Variants in SLMAP observed in about 807,000 individuals in gnomAD.
SLMAP encodes sarcolemmal membrane-associated protein.
In SLMAP, 44 loss-of-function variants were observed where a neutral mutation model predicts 128.8. That is an observed-to-expected ratio of 0.34 (90% CI 0.27 to 0.44). The LOEUF (loss-of-function observed/expected upper bound fraction) is 0.44, where lower values mean the gene tolerates loss of function less well. Ranked by LOEUF, SLMAP falls within the 20% of genes least tolerant of loss-of-function variation. The pLI is 1.00. For synonymous variants in SLMAP, 327 were observed against 348.8 expected (o/e 0.94, Z 0.70); for missense variants, 787 against 985.3 (o/e 0.80, Z 2.69).
chr3:57,778,805 T>A (rs1305468237), intron 2 of SLMAP, among the ~76,000 whole-genome samples: 2 of 152,014 alleles, frequency 1.3e-5, no homozygotes, highest in Non-Finnish European at 2.9e-5. Context: ...GTTTCTCAAA[T>A]TAGAATCTTA....
At chr3:57,865,161 C>A in intron 12 of SLMAP, 81 bp from the exon 13 acceptor site, 1 of 722,730 alleles carries the variant, frequency 1.4e-6, no homozygotes, top group Non-Finnish European at 2.3e-6. Context: ...CTTAGGAATG[C>A]AGAATGCCAT....
intron 2 of SLMAP, among the ~76,000 whole-genome samples, chr3:57,761,357 C>T (rs1288749010): frequency 3.3e-5 from 5 of 151,860 alleles, no homozygotes; most frequent in Admixed American, 1.3e-4. Flanking sequence ...TGCAGTGGTG[C>T]GATCTCAGCT....
At chr3:57,758,161 G>A (rs573149661) in intron 2 of SLMAP, among the ~76,000 whole-genome samples, 1 of 152,322 alleles carries the variant, frequency 6.6e-6, no homozygotes, top group African/African-American at 2.4e-5. Context: ...TGTTTAGAAA[G>A]GTGAATTCAC....
Position 57,864,866 on chromosome 3 carries a change from C to T in SLMAP, c.1186+9C>T. ...AGAATGCAGCAGCTTGGGTAGGTGG[C>T]ATCCATATTTCTTACTTAAACCTGA... On this transcript the variant is annotated intron_variant, in intron 12 of 24. Coordinates refer to ENST00000671191, the MANE Select transcript of SLMAP (RefSeq NM_001377540.1). 1 of 1,559,064 alleles carries T rather than the reference C, an allele frequency of 6.4e-7. No individual in the cohort carries two copies. Among genetic ancestry groups the T allele is most frequent in the Non-Finnish European group, 8.7e-7 (1 of 1,152,694 alleles).
intron 3 of SLMAP, among the ~76,000 whole-genome samples, chr3:57,832,291 A>G (rs1171558983): frequency 6.6e-6 from 1 of 152,232 alleles, no homozygotes; most frequent in African/African-American, 2.4e-5. Flanking sequence ...TACCCCAAAC[A>G]AAATTAGAGC....
intron 12 of SLMAP, 109 bp downstream of exon 12, chr3:57,864,966 A>C (rs1344414827): frequency 2.3e-6 from 2 of 851,472 alleles, no homozygotes; most frequent in Non-Finnish European, 1.8e-6. Context: ...TGTATTAGGT[A>C]TAAAGTATCT....
chr3:57,846,942 C>T (rs999728481), intron 4 of SLMAP, among the ~76,000 whole-genome samples: 1 of 152,058 alleles, frequency 6.6e-6, no homozygotes, highest in African/African-American at 2.4e-5. Context: ...AGTAGTGGCT[C>T]CTCAAAGAGC....
At chr3:57,885,058 G>C (rs2095843716) in intron 14 of SLMAP, among the ~76,000 whole-genome samples, 1 of 151,538 alleles carries the variant, frequency 6.6e-6, no homozygotes, top group Non-Finnish European at 1.5e-5. Context: ...TAGGAAAAAG[G>C]TAAGAAGCAG....
Position 57,811,435 on chromosome 3 carries a change from G to A in SLMAP, c.199-19948G>A, listed in dbSNP as rs187827076. 2.0e-3 allele frequency among the ~76,000 whole-genome samples: 298 copies of A among 152,198 alleles called. 7 individuals are homozygous for A. The highest frequency in any genetic ancestry group is 1.4e-3 in the Non-Finnish European group (97 of 68,000). ...TGTCAGAATTTCCTTCCTTTCTAAG[G>A]CTGAATAATATTTTATTGTATGTAT... On this transcript the variant is annotated intron_variant, in intron 2 of 24. Transcript: ENST00000671191.
In SLMAP at chr3:57,848,632, C is replaced by T. The variant is rs148364839; in HGVS notation, c.457-1122C>T. 5.3e-3 allele frequency among the ~76,000 whole-genome samples: 777 copies of T among 145,642 alleles called. 3 individuals carry two copies. The highest frequency in any genetic ancestry group is 8.4e-3 in the Non-Finnish European group (556 of 66,436). The stretch of plus-strand genomic sequence containing the variant: ...CCCCCTCTTCTTTTTCTTCTTCTTC[C>T]TCTTCCTTTTCTTCCTCCTCCTCCT... On this transcript the variant is annotated intron_variant, in intron 5 of 24. Coordinates refer to ENST00000671191, the MANE Select transcript of SLMAP (RefSeq NM_001377540.1).
At chr3:57,889,961 A>G in intron 14 of SLMAP, 80 bp from the exon 15 acceptor site, 1 of 948,264 alleles carries the variant, frequency 1.1e-6, no homozygotes, top group Non-Finnish European at 1.7e-6. Context: ...AAATTTGGTC[A>G]TGGAATGTGT....
intron 2 of SLMAP, among the ~76,000 whole-genome samples, chr3:57,818,065 A>G (rs1204249444): frequency 2.0e-5 from 3 of 152,222 alleles, no homozygotes; most frequent in Non-Finnish European, 4.4e-5. Flanking sequence ...TAAGTAGTAT[A>G]GCAGAATGGT....
chr3:57,894,295 A>G (rs1298526422), intron 15 of SLMAP, among the ~76,000 whole-genome samples: 6 of 152,202 alleles, frequency 3.9e-5, no homozygotes, highest in African/African-American at 1.2e-4. Flanking sequence ...AGATAAATGT[A>G]TAACTATTTT....
intron 14 of SLMAP, among the ~76,000 whole-genome samples, chr3:57,873,821 A>T (rs1196621058): frequency 5.9e-5 from 9 of 152,034 alleles, no homozygotes; most frequent in Non-Finnish European, 1.3e-4. Flanking sequence ...AAAAAACTTT[A>T]AAAAATTATC....
intron 8 of SLMAP, among the ~76,000 whole-genome samples, chr3:57,859,290 T>C (rs1577849657): frequency 7.6e-6 from 1 of 130,756 alleles, no homozygotes; most frequent in Admixed American, 9.1e-5. Context: ...ACCTCTGAAC[T>C]CCAGCCTGGG....
rs35541333 is a variant in SLMAP, at chr3:57,885,771, C to CTTTTTTTTTT, written c.1301-4249_1301-4240dup. 1.4e-3 allele frequency among the ~76,000 whole-genome samples: 73 copies of CTTTTTTTTTT among 53,580 alleles called. 16 individuals are homozygous for CTTTTTTTTTT. Among genetic ancestry groups the CTTTTTTTTTT allele is most frequent in the Non-Finnish European group, 2.0e-3 (59 of 30,198 alleles). The allele number at this position is 53,580 out of a possible 152,430, so 35.2% of individuals were successfully genotyped here. ...TTGTTTTGCTTTTCGGTTTTTGGTT[C>CTTTTTTTTTT]TTTTTTTTTTTTTTTTTTTTTTTTT... On this transcript the variant is annotated intron_variant, in intron 14 of 24. Coordinates refer to ENST00000671191, the MANE Select transcript of SLMAP (RefSeq NM_001377540.1).
chr3:57,897,177 T>G (rs2096263903), intron 17 of SLMAP: 1 of 1,132,392 alleles, frequency 8.8e-7, no homozygotes, highest in East Asian at 3.1e-5. Context: ...GAATATGAAA[T>G]GCAGCTGTGT....
chr3:57,894,758 T>C (rs893508134), intron 15 of SLMAP, among the ~76,000 whole-genome samples: 1 of 152,190 alleles, frequency 6.6e-6, no homozygotes, highest in Non-Finnish European at 1.5e-5. Context: ...ATGGCTCTTT[T>C]GAGGTTAGGG....
chr3:57,780,290 G>A (rs973167215), intron 2 of SLMAP, among the ~76,000 whole-genome samples: 2 of 151,976 alleles, frequency 1.3e-5, no homozygotes, highest in Non-Finnish European at 2.9e-5. Flanking sequence ...GGAACTACAG[G>A]TGCACACCAT....
Sources: allele counts gnomAD v4.1 joint callset (sites outside exome capture counted in the v4.1 genomes callset), GRCh38; gene constraint gnomAD v4.1.1; transcripts MANE v1.5; gene names NCBI Gene and HGNC (gene_info 2026-07-23, HGNC 2026-07-21).